ICA1L: variants seen among roughly 807,000 people sequenced by gnomAD.
ICA1L encodes islet cell autoantigen 1 like.
In ICA1L, 50 loss-of-function variants were observed where a neutral mutation model predicts 61.3. The ratio of observed to expected loss-of-function variants is 0.82; its 90% CI spans 0.65 to 1.03. The LOEUF (loss-of-function observed/expected upper bound fraction) is 1.03, where lower values mean the gene tolerates loss of function less well. ICA1L is among the 50% of genes least tolerant of loss of function. The pLI is 0.00. For synonymous variants in ICA1L, 161 were observed against 191.3 expected (o/e 0.84, Z 1.31); for missense variants, 508 against 556.7 (o/e 0.91, Z 0.88).
chr2:202,799,878 C>CTTTTTTT (rs768203103), intron 9 of ICA1L, among the ~76,000 whole-genome samples: 4 of 133,942 alleles, frequency 3.0e-5, no homozygotes, highest in Non-Finnish European at 4.9e-5. Flanking sequence ...CTGCTTTATA[C>CTTTTTTT]TTTTTTTTTT....
Position 202,849,029 on chromosome 2 carries a change from C to T in ICA1L, c.-7-20013G>A, listed in dbSNP as rs1694541593. Reference sequence around the variant, plus strand: ...GGGGCGTTGCCTCATCCAGGAAGTGCAAGGAGCTGGGGCCCTCCCTCCCCC... The same window carrying T: ...GGGGCGTTGCCTCATCCAGGAAGTGTAAGGAGCTGGGGCCCTCCCTCCCCC... On this transcript the variant is annotated intron_variant, in intron 1 of 12. Coordinates refer to ENST00000358299, the MANE Select transcript of ICA1L (RefSeq NM_001288622.3). This position sits in a 1 kb window ranked among gnomAD's most constrained non-coding sequence, Gnocchi z 4.5. Among the ~76,000 whole-genome samples the T allele has an allele frequency of 6.6e-6, 1 of 152,082 alleles. No individual in the cohort carries two copies. The highest frequency in any genetic ancestry group is 1.5e-5 in the Non-Finnish European group (1 of 68,018).
Position 202,829,448 on chromosome 2 carries a change from A to G in ICA1L, c.-7-432T>C, listed in dbSNP as rs531892897. On this transcript the variant is annotated intron_variant, in intron 1 of 12. Transcript: ENST00000358299. The stretch of plus-strand genomic sequence containing the variant: ...TTAATCTGACAAATGGAAAAAAGGT[A>G]CTAAATGTAATTTTTTTTTAGAGTC... Among the ~76,000 whole-genome samples, 5 of 152,324 alleles carry G rather than the reference A, an allele frequency of 3.3e-5. No individual in the cohort carries two copies. In the East Asian group the frequency reaches 7.7e-4, roughly 24 times the overall value.
chr2:202,842,144 C>T (rs766210857), intron 1 of ICA1L, among the ~76,000 whole-genome samples: 5 of 152,092 alleles, frequency 3.3e-5, no homozygotes, highest in African/African-American at 7.2e-5. Flanking sequence ...CATGGGCCAC[C>T]GCACCAGGCC....
At position 202,849,360 on chromosome 2, in the gene ICA1L, C is replaced by T. The variant is rs1694551328; in HGVS notation, c.-7-20344G>A. ...CTCAGTGGGTCCCACTCCCACAGAG[C>T]CCAGCAAGCTAAGAACCACTGGGTT... is the stretch of plus-strand genomic sequence containing the variant. On this transcript the variant is annotated intron_variant, in intron 1 of 12. Transcript: ENST00000358299. The surrounding 1 kb of genome is among the most constrained non-coding windows in gnomAD (Gnocchi z 4.5). Among the ~76,000 whole-genome samples the T allele has an allele frequency of 6.6e-6, 1 of 152,184 alleles. No homozygotes were observed. The highest frequency in any genetic ancestry group is 6.5e-5 in the Admixed American group (1 of 15,280).
At chr2:202,813,824 C>T (rs1196845646) in intron 8 of ICA1L, among the ~76,000 whole-genome samples, 3 of 152,134 alleles carry the variant, frequency 2.0e-5, no homozygotes, top group African/African-American at 2.4e-5. Flanking sequence ...GGCAACAGCC[C>T]GTATTTTCAG....
At chr2:202,817,219 AAAGAG>A (rs1249169931) in intron 6 of ICA1L, among the ~76,000 whole-genome samples, 194 bp downstream of exon 6, 2 of 152,188 alleles carry the variant, frequency 1.3e-5, no homozygotes, top group African/African-American at 4.8e-5. Flanking sequence ...CTTTGACACC[AAAGAG>A]AAGAGCTACA....
intron 1 of ICA1L, among the ~76,000 whole-genome samples, chr2:202,847,703 A>ATATATATATATATATATATATATATATG (rs11274512): frequency 0.045 from 5,819 of 130,560 alleles, 308 homozygotes; most frequent in East Asian, 0.13. Context: ...AATTATATAT[A>ATATATATATATATATATATATATATATG]TATATAGTTA....
At chr2:202,803,105 C>A (rs1381271518) in intron 9 of ICA1L, among the ~76,000 whole-genome samples, 1 of 151,994 alleles carries the variant, frequency 6.6e-6, no homozygotes, top group Non-Finnish European at 1.5e-5. Context: ...AGATGTATCT[C>A]AGTTATAAGG....
At chr2:202,794,215 A>G (rs543725177) in intron 10 of ICA1L, among the ~76,000 whole-genome samples, 16 of 144,850 alleles carry the variant, frequency 1.1e-4, no homozygotes, top group Non-Finnish European at 1.4e-4. Context: ...GTGTGGTGGT[A>G]TGCACCTGTA....
rs993220191 is a variant in ICA1L, at chr2:202,781,311, G to A, written c.1334-1663C>T. Among the ~76,000 whole-genome samples the A allele has an allele frequency of 1.5e-4, 23 of 152,046 alleles. No individual in the cohort carries two copies. The East Asian group carries it at 2.3e-3, about 15-fold the overall frequency. On this transcript the variant is annotated intron_variant, in intron 12 of 12. Coordinates refer to ENST00000358299, the MANE Select transcript of ICA1L (RefSeq NM_001288622.3). ...AACATGGCTGGGTATGGTGGCTCACGCCTGTAATTCAAGCACTTTGGGAGG... is the reference window on the plus strand; with the variant it reads ...AACATGGCTGGGTATGGTGGCTCACACCTGTAATTCAAGCACTTTGGGAGG...
chr2:202,787,220 G>A (rs1204423720), intron 11 of ICA1L, among the ~76,000 whole-genome samples: 1 of 152,198 alleles, frequency 6.6e-6, no homozygotes, highest in Non-Finnish European at 1.5e-5. Context: ...GTTTTCAACT[G>A]TTCAGCTATT....
At chr2:202,819,930 T>G (rs769567005) in intron 4 of ICA1L, 31 bp from the exon 5 acceptor site, 1 of 1,515,660 alleles carries the variant, frequency 6.6e-7, no homozygotes, top group Non-Finnish European at 9.1e-7. Context: ...ATCAGAGGGT[T>G]GAACACATCA....
Position 202,773,874 on chromosome 2 carries a change from AAC to A in ICA1L, c.*5657_*5658del, listed in dbSNP as rs1409733179. 2.3e-6 allele frequency: 3 copies of A among 1,299,844 alleles called. No homozygotes were observed. The highest frequency in any genetic ancestry group is 3.3e-6 in the Non-Finnish European group (3 of 897,750). 80.5% of individuals were successfully genotyped at this position (1,299,844 alleles called of 1,614,324 possible). The stretch of plus-strand genomic sequence containing the variant: ...GTTTTCTTCTACAGAGGCTGAGTGG[AAC>A]AGTCCTGCTAAATAAACCAGTGGAA... On this transcript the variant is annotated 3_prime_UTR_variant, in exon 13 of 13. Coordinates refer to ENST00000358299, the MANE Select transcript of ICA1L (RefSeq NM_001288622.3).
chr2:202,775,542 C>CG lies in ICA1L; in HGVS notation c.*3990dup, dbSNP rs1692193918. 2 of 152,218 alleles carry CG rather than the reference C, an allele frequency of 1.3e-5. No individual in the cohort carries two copies. Among genetic ancestry groups the CG allele is most frequent in the Non-Finnish European group, 2.9e-5 (2 of 68,046 alleles). The allele number at this position is 152,218 out of a possible 1,614,324, so 9.4% of individuals were successfully genotyped here. A position where few individuals can be genotyped will look rare whatever the true frequency, so the allele number is the denominator to read the frequency against. On this transcript the variant is annotated 3_prime_UTR_variant, in exon 13 of 13. Transcript: ENST00000358299. ...ATCTCACAAGGATTTTCTTTTGAGA[C>CG]GGAGTCTCACTCTGTCACCCAGGCT...
chr2:202,829,445 G>A (rs971601171), intron 1 of ICA1L, among the ~76,000 whole-genome samples: 1 of 152,134 alleles, frequency 6.6e-6, no homozygotes, highest in African/African-American at 2.4e-5. Flanking sequence ...ATGGAAAAAA[G>A]GTACTAAATG....
At chr2:202,868,999 A>C (rs202066451) in intron 1 of ICA1L, among the ~76,000 whole-genome samples, 94 of 152,010 alleles carry the variant, frequency 6.2e-4, no homozygotes, top group African/African-American at 1.5e-3. Flanking sequence ...ACAACAACAA[A>C]AAACATTTAA....
intron 12 of ICA1L, among the ~76,000 whole-genome samples, chr2:202,785,449 T>TG (rs1379178833): frequency 6.6e-6 from 1 of 152,070 alleles, no homozygotes; most frequent in African/African-American, 2.4e-5. Flanking sequence ...GAGACAGTCT[T>TG]GCTCTGTCGC....
At chr2:202,828,465 G>A (rs1281364742) in intron 2 of ICA1L, among the ~76,000 whole-genome samples, 1 of 151,996 alleles carries the variant, frequency 6.6e-6, no homozygotes, top group African/African-American at 2.4e-5. Flanking sequence ...ATCTTCATTT[G>A]CTATTTGATT....
In ICA1L at chr2:202,823,246, AAG is replaced by A. The variant is rs1482433646; in HGVS notation, c.236-1767_236-1766del. ...TCCCTGACCTGTTCTCCCCTGAGTC[AAG>A]AGAGTCCCATAAAGTTATGGTGCTG... On this transcript the variant is annotated intron_variant, in intron 3 of 12. Transcript: ENST00000358299. Among the ~76,000 whole-genome samples the A allele has an allele frequency of 2.0e-5, 3 of 152,168 alleles. No individual in the cohort carries two copies. The East Asian group carries it at 5.8e-4, about 29-fold the overall frequency.
Sources: allele counts gnomAD v4.1 joint callset (sites outside exome capture counted in the v4.1 genomes callset), GRCh38; gene constraint gnomAD v4.1.1; non-coding constraint Gnocchi (gnomAD v3.1); transcripts MANE v1.5; gene names NCBI Gene and HGNC (gene_info 2026-07-23, HGNC 2026-07-21).